Variants in HOMER1 observed in about 807,000 individuals in gnomAD.
HOMER1 encodes the protein homer protein homolog 1.
HOMER1 carries 3 observed loss-of-function variants against 48.9 expected under a neutral mutation model. The observed-to-expected ratio is 0.06, with a 90% CI of 0.03 to 0.16. The LOEUF (loss-of-function observed/expected upper bound fraction) is 0.16. HOMER1 is among the 10% of genes least tolerant of loss of function. The probability of loss-of-function intolerance (pLI) is 1.00; values close to 1 mark genes in which losing one functional copy is unlikely to be tolerated. For synonymous variants in HOMER1, 134 were observed against 146.4 expected, an observed-to-expected ratio of 0.92 and a Z score of 0.61; for missense variants, 247 against 411.4, an observed-to-expected ratio of 0.60 and a Z score of 3.46.
chr5:79,412,797 T>C (rs1749843511), intron 5 of HOMER1, among the ~76,000 whole-genome samples: 1 of 152,230 alleles, frequency 6.6e-6, no homozygotes, highest in African/African-American at 2.4e-5. Context: ...TAGACAATGA[T>C]AGTTCAATAA....
chr5:79,475,471 G>A (rs1751743031), intron 1 of HOMER1, among the ~76,000 whole-genome samples: 1 of 141,232 alleles, frequency 7.1e-6, no homozygotes, highest in Non-Finnish European at 1.5e-5. Flanking sequence ...ACCAAATCCA[G>A]GTGAGAAGAA....
chr5:79,402,088 T>A, intron 5 of HOMER1, 33 bp from the exon 6 acceptor site: 1 of 1,565,288 alleles, frequency 6.4e-7, no homozygotes, highest in East Asian at 2.3e-5. Flanking sequence ...TTCTATCCAT[T>A]ACACCAACTA....
At chr5:79,378,222 C>CAAAAAAAAAAAAAAAAAAAA (rs58802660) in intron 8 of HOMER1, among the ~76,000 whole-genome samples, 23 of 85,558 alleles carry the variant, frequency 2.7e-4, no homozygotes, top group African/African-American at 8.1e-4. Flanking sequence ...GACTCTGTCT[C>CAAAAAAAAAAAAAAAAAAAA]AAAAAAAAAA....
At chr5:79,483,364 C>G (rs1362874941) in intron 1 of HOMER1, among the ~76,000 whole-genome samples, 1 of 151,978 alleles carries the variant, frequency 6.6e-6, no homozygotes, top group Non-Finnish European at 1.5e-5. Flanking sequence ...AGAATTTACC[C>G]AAGTGAATTT....
At chr5:79,505,249 A>C (rs1430638103) in intron 1 of HOMER1, among the ~76,000 whole-genome samples, 1 of 151,850 alleles carries the variant, frequency 6.6e-6, no homozygotes, top group Non-Finnish European at 1.5e-5. Context: ...ACACAGCAAG[A>C]CTCTGTTTCA....
intron 5 of HOMER1, among the ~76,000 whole-genome samples, chr5:79,406,919 T>C (rs1749675143): frequency 8.7e-6 from 1 of 114,828 alleles, no homozygotes; most frequent in Admixed American, 8.7e-5. Flanking sequence ...TACCCAAGAC[T>C]GAGGCTGGAC....
intron 1 of HOMER1, among the ~76,000 whole-genome samples, chr5:79,479,545 T>C (rs1267739839): frequency 6.6e-6 from 1 of 152,190 alleles, no homozygotes; most frequent in East Asian, 1.9e-4. Context: ...AATGCAGTTC[T>C]AGAAGCTAGA....
Position 79,385,326 on chromosome 5 carries a change from G to C in HOMER1, c.877-9129C>G, listed in dbSNP as rs997733550. Among the ~76,000 whole-genome samples the C allele has an allele frequency of 5.3e-5, 8 of 152,180 alleles. No individual in the cohort carries two copies. In the East Asian group the frequency reaches 1.5e-3, roughly 29 times the overall value. ...CAACAAAGAGACAACCTGTTGAATGGGAGAAACTACTTGCAAACTATTCAT... is the reference window on the plus strand; with the variant it reads ...CAACAAAGAGACAACCTGTTGAATGCGAGAAACTACTTGCAAACTATTCAT... On this transcript the variant is annotated intron_variant, in intron 8 of 8. Transcript: ENST00000334082.
chr5:79,508,714 ATCCT>A (rs1195904710), intron 1 of HOMER1, among the ~76,000 whole-genome samples: 2 of 152,162 alleles, frequency 1.3e-5, no homozygotes, highest in African/African-American at 2.4e-5. Context: ...AAGCCTTTTT[ATCCT>A]TCCCTCAGCA....
intron 1 of HOMER1, among the ~76,000 whole-genome samples, chr5:79,496,701 T>A (rs116259562): frequency 6.6e-6 from 1 of 152,066 alleles, no homozygotes; most frequent in Non-Finnish European, 1.5e-5. Context: ...TATTCCAGAA[T>A]AGTTTCCAAA....
chr5:79,426,890 T>C (rs572179252), intron 5 of HOMER1, among the ~76,000 whole-genome samples: 1 of 152,134 alleles, frequency 6.6e-6, no homozygotes, highest in African/African-American at 2.4e-5. Flanking sequence ...TATGTTTGTA[T>C]CAAAATATCA....
chr5:79,387,746 A>G (rs1227407369), intron 8 of HOMER1, among the ~76,000 whole-genome samples: 1 of 152,220 alleles, frequency 6.6e-6, no homozygotes, highest in Non-Finnish European at 1.5e-5. Flanking sequence ...GACTCTGGCT[A>G]TAAAGAGGTA....
In HOMER1 at chr5:79,374,692, T is replaced by C. The variant is rs1048712291; in HGVS notation, c.*1317A>G. ...TGCAATTCCTACTTTATAAGCAGACTAGACAGCACTTGGCTTACTTTTAAA... is the reference window on the plus strand; with the variant it reads ...TGCAATTCCTACTTTATAAGCAGACCAGACAGCACTTGGCTTACTTTTAAA... On this transcript the variant is annotated 3_prime_UTR_variant, in exon 9 of 9. Transcript: ENST00000334082. 5 of 152,068 alleles carry C rather than the reference T, an allele frequency of 3.3e-5. No individual in the cohort carries two copies. The South Asian group carries it at 1.0e-3, about 31-fold the overall frequency. The allele number at this position is 152,068 out of a possible 1,614,324, so 9.4% of individuals were successfully genotyped here.
chr5:79,480,767 C>G (rs1167702535), intron 1 of HOMER1, among the ~76,000 whole-genome samples: 1 of 152,166 alleles, frequency 6.6e-6, no homozygotes, highest in African/African-American at 2.4e-5. Flanking sequence ...AACATGGTCT[C>G]ATTATCTTAT....
At chr5:79,412,113 C>T (rs1009544957) in intron 5 of HOMER1, among the ~76,000 whole-genome samples, 1 of 152,060 alleles carries the variant, frequency 6.6e-6, no homozygotes, top group Non-Finnish European at 1.5e-5. Flanking sequence ...AGCATGACTC[C>T]ATCTCAAAAA....
chr5:79,484,331 T>A (rs1217124964), intron 1 of HOMER1, among the ~76,000 whole-genome samples: 1 of 151,098 alleles, frequency 6.6e-6, no homozygotes, highest in Non-Finnish European at 1.5e-5. Context: ...AGGAGAGGAA[T>A]AAAGAACAGA....
At chr5:79,488,931 T>C (rs1038926189) in intron 1 of HOMER1, among the ~76,000 whole-genome samples, 2 of 151,984 alleles carry the variant, frequency 1.3e-5, no homozygotes, top group African/African-American at 4.8e-5. Context: ...CCTCTTAAAA[T>C]GTTGTAGACT....
Position 79,477,005 on chromosome 5 carries a change from G to C in HOMER1, c.6-19987C>G, listed in dbSNP as rs375596505. ...ATCTTTGACTCACAATCAGATCAGAGTCCTGCCTTGAGTAAGTAAAAGAAG... is the reference window on the plus strand; with the variant it reads ...ATCTTTGACTCACAATCAGATCAGACTCCTGCCTTGAGTAAGTAAAAGAAG... On this transcript the variant is annotated intron_variant, in intron 1 of 8. Transcript: ENST00000334082. Among the ~76,000 whole-genome samples the C allele has an allele frequency of 1.5e-4, 23 of 152,260 alleles. 1 individual carries two copies. The highest frequency in any genetic ancestry group is 7.2e-4 in the Admixed American group (11 of 15,288).
At position 79,383,869 on chromosome 5, in the gene HOMER1, C is replaced by T. The variant is rs533541831; in HGVS notation, c.877-7672G>A. Among the ~76,000 whole-genome samples the T allele has an allele frequency of 4.6e-5, 7 of 152,044 alleles. No individual in the cohort carries two copies. The East Asian group carries it at 1.3e-3, about 29-fold the overall frequency. ...ACCAAGAAAAACTGTGGAAACTATA[C>T]AAATATATGAAAATTAAACTACATG... On this transcript the variant is annotated intron_variant, in intron 8 of 8. Coordinates refer to ENST00000334082, the MANE Select transcript of HOMER1 (RefSeq NM_004272.5).
Sources: allele counts gnomAD v4.1 joint callset (sites outside exome capture counted in the v4.1 genomes callset), GRCh38; gene constraint gnomAD v4.1.1; transcripts MANE v1.5; gene names NCBI Gene and HGNC (gene_info 2026-07-23, HGNC 2026-07-21).